The following ARL17A variants were observed in gnomAD, a reference collection of about 807,000 sequenced individuals.
ARL17A encodes the protein ADP-ribosylation factor-like 17-like.
At chr17:46,541,293 C>T (rs1267438123) in intron 3 of ARL17A, among the ~76,000 whole-genome samples, 3 of 150,352 alleles carry the variant, frequency 2.0e-5, no homozygotes, top group Non-Finnish European at 4.4e-5. Context: ...ACTCTGTCGC[C>T]CAGGCTGCAG....
At chr17:46,528,220 A>G (rs1386470611), downstream of ARL17A, among the ~76,000 whole-genome samples, 1 of 111,576 alleles carries the variant, frequency 9.0e-6, no homozygotes, top group Non-Finnish European at 1.8e-5. Flanking sequence ...GGCACTAGAC[A>G]CGTGCTCTTT....
downstream of ARL17A, among the ~76,000 whole-genome samples, chr17:46,516,128 A>G (rs1489898840): frequency 2.7e-5 from 4 of 147,776 alleles, no homozygotes; most frequent in Non-Finnish European, 5.9e-5. Context: ...GTGAAACCCC[A>G]TCTCTACTAA....
intron 3 of ARL17A, among the ~76,000 whole-genome samples, chr17:46,539,789 A>AAAAAAAAT (rs2054962885): frequency 6.8e-6 from 1 of 146,544 alleles, no homozygotes; most frequent in Admixed American, 6.8e-5. Context: ...AAAAAAAAAA[A>AAAAAAAAT]ATAGATGAAC....
At chr17:46,575,750 C>T (rs1056727623) in intron 2 of ARL17A, among the ~76,000 whole-genome samples, 4 of 30,938 alleles carry the variant, frequency 1.3e-4, no homozygotes, top group East Asian at 8.0e-4. Flanking sequence ...GAAACCATGG[C>T]GGGAGGATCG....
rs1481534139 is a variant in ARL17A, at chr17:46,554,296, G to A, written c.*3060C>T. 128 of 116,222 alleles carry A rather than the reference G, an allele frequency of 1.1e-3. 1 individual carries two copies. The highest frequency in any genetic ancestry group is 8.6e-3 in the African/African-American group (111 of 12,970). The allele number at this position is 116,222 out of a possible 1,614,324, so 7.2% of individuals were successfully genotyped here. On this transcript the variant is annotated 3_prime_UTR_variant, in exon 4 of 4. Transcript: ENST00000336125. ...TACTAAATTAGCTGGGTGTGGTGGC[G>A]CAGGCGTGTAATCCCAGCTACTTGG... is the stretch of plus-strand genomic sequence containing the variant.
At chr17:46,534,463 A>G (rs1244202595) in intron 4 of ARL17A, among the ~76,000 whole-genome samples, 2 of 148,860 alleles carry the variant, frequency 1.3e-5, no homozygotes, top group Non-Finnish European at 3.0e-5. Flanking sequence ...CCCTTAATCC[A>G]TTCAACCCTG....
downstream of ARL17A, among the ~76,000 whole-genome samples, chr17:46,525,672 AG>A (rs2052644391): frequency 8.3e-6 from 1 of 120,162 alleles, no homozygotes. Context: ...ACAATTATGT[AG>A]GCAACACCAG....
intron 3 of ARL17A, among the ~76,000 whole-genome samples, chr17:46,545,597 C>CAA (rs2056179801): frequency 7.8e-6 from 1 of 128,478 alleles, no homozygotes; most frequent in Non-Finnish European, 1.5e-5. Flanking sequence ...ATTACACTGA[C>CAA]GGTTGCAAAG....
chr17:46,533,579 G>T (rs62073320), intron 4 of ARL17A, among the ~76,000 whole-genome samples: 32 of 110,170 alleles, frequency 2.9e-4, no homozygotes, highest in Middle Eastern at 5.5e-3. Flanking sequence ...TTTACTCGCC[G>T]CAACCTCTGC....
chr17:46,545,832 A>C (rs2056226674), intron 3 of ARL17A, among the ~76,000 whole-genome samples: 1 of 150,042 alleles, frequency 6.7e-6, no homozygotes, highest in Admixed American at 6.6e-5. Flanking sequence ...GGTTAAACTA[A>C]GCTATTTTTA....
At chr17:46,533,672 T>C (rs2054090107) in intron 4 of ARL17A, among the ~76,000 whole-genome samples, 1 of 73,124 alleles carries the variant, frequency 1.4e-5, no homozygotes, top group Non-Finnish European at 2.2e-5. Context: ...CAGCTAATTT[T>C]TGTATTTTTA....
chr17:46,525,619 T>TAA (rs1491048563), downstream of ARL17A, among the ~76,000 whole-genome samples: 1 of 110,788 alleles, frequency 9.0e-6, no homozygotes, highest in Non-Finnish European at 2.1e-5. Context: ...ATAATAATCA[T>TAA]CATCATCATC....
intron 4 of ARL17A, among the ~76,000 whole-genome samples, chr17:46,534,428 G>GT (rs1328701765): frequency 6.7e-6 from 1 of 148,754 alleles, no homozygotes; most frequent in African/African-American, 2.6e-5. Flanking sequence ...TCAAGCATCT[G>GT]TTTAACAAAG....
intron 3 of ARL17A, among the ~76,000 whole-genome samples, chr17:46,539,212 GAAAAAAAA>G (rs1166753209): frequency 2.0e-4 from 8 of 40,030 alleles, no homozygotes; most frequent in African/African-American, 3.0e-4. Flanking sequence ...CTCCATCTCA[GAAAAAAAA>G]AAAAAAAAAA....
downstream of ARL17A, among the ~76,000 whole-genome samples, chr17:46,526,614 C>A (rs921724441): frequency 9.4e-6 from 1 of 105,930 alleles, no homozygotes; most frequent in Non-Finnish European, 2.1e-5. Flanking sequence ...TGAATGAAGC[C>A]TCTATGTTAT....
At chr17:46,500,864 C>T in the ARL17A span, among the ~76,000 whole-genome samples, 1 of 150,942 alleles carries the variant, frequency 6.6e-6, no homozygotes, top group Non-Finnish European at 1.5e-5. Flanking sequence ...CCCCAAACAG[C>T]ACAACCTGGG....
chr17:46,529,535 C>T (rs1369299681), intron 4 of ARL17A, among the ~76,000 whole-genome samples: 5 of 100,866 alleles, frequency 5.0e-5, no homozygotes, highest in East Asian at 4.6e-4. Flanking sequence ...AGGCTGGGCG[C>T]GCTGGCTCAT....
chr17:46,525,601 A>T (rs150117924), downstream of ARL17A, among the ~76,000 whole-genome samples: 1,447 of 53,906 alleles, frequency 0.027, 79 homozygotes, highest in African/African-American at 0.078. Flanking sequence ...AATAATAATA[A>T]TATAATAATA....
At chr17:46,530,129 C>G (rs907119634) in intron 4 of ARL17A, among the ~76,000 whole-genome samples, 1 of 138,058 alleles carries the variant, frequency 7.2e-6, no homozygotes, top group Admixed American at 7.7e-5. Context: ...TGGGCTCAAG[C>G]TTTCCTTCTG....
Sources: gnomAD v4.1 joint callset for allele counts (sites outside exome capture counted in the v4.1 genomes callset) on GRCh38, gnomAD v4.1.1 for gene constraint, MANE v1.5 for transcripts, NCBI Gene and HGNC (gene_info 2026-07-23, HGNC 2026-07-21) for gene names.